The following SPIRE2 variants were observed in gnomAD, a reference collection of about 807,000 sequenced individuals.
SPIRE2 encodes protein spire homolog 2.
Under a neutral mutation model 80.7 loss-of-function variants are expected in SPIRE2, and 76 were observed. The ratio of observed to expected loss-of-function variants is 0.94; its 90% CI spans 0.78 to 1.14. The LOEUF (loss-of-function observed/expected upper bound fraction) is 1.14, where lower values mean the gene tolerates loss of function less well. SPIRE2 is among the 50% of genes most tolerant of loss of function. SPIRE2 has a pLI of 0.00. For missense variants in SPIRE2, 1,196 were observed against 1,015.3 expected, an observed-to-expected ratio of 1.18 and a Z score of -2.42; for synonymous variants, 535 against 432.6, an observed-to-expected ratio of 1.24 and a Z score of -2.94.
intron 1 of SPIRE2, among the ~76,000 whole-genome samples, chr16:89,834,459 C>T (rs1388593756): frequency 1.7e-5 from 2 of 120,278 alleles, no homozygotes; most frequent in African/African-American, 3.1e-5. Context: ...AAGCATAGCC[C>T]GTGTGAATCT....
chr16:89,856,414 G>A (rs1391671676), intron 7 of SPIRE2, among the ~76,000 whole-genome samples, 178 bp downstream of exon 7: 1 of 151,794 alleles, frequency 6.6e-6, no homozygotes, highest in East Asian at 1.9e-4. Flanking sequence ...GATTACTTGG[G>A]GATAAAAAAT....
chr16:89,845,716 GA>G, intron 2 of SPIRE2: 1 of 641,930 alleles, frequency 1.6e-6, no homozygotes, highest in Non-Finnish European at 2.8e-6. Flanking sequence ...GTGCAAACAG[GA>G]AAAATCAGCC....
intron 1 of SPIRE2, among the ~76,000 whole-genome samples, chr16:89,842,809 G>A (rs920751303): frequency 6.6e-6 from 1 of 152,210 alleles, no homozygotes; most frequent in Non-Finnish European, 1.5e-5. Context: ...GGCCAGGACT[G>A]CCCAGGCCCT....
intron 1 of SPIRE2, among the ~76,000 whole-genome samples, chr16:89,841,749 G>C (rs1483355385): frequency 6.6e-6 from 1 of 151,912 alleles, no homozygotes; most frequent in African/African-American, 2.4e-5. Flanking sequence ...CCAGGCTGGA[G>C]TGCAGTGGCA....
At chr16:89,855,543 C>T (rs530159102) in intron 5 of SPIRE2, 57 bp from the exon 6 acceptor site, 7 of 1,485,368 alleles carry the variant, frequency 4.7e-6, no homozygotes, top group South Asian at 2.3e-5. Context: ...CTCTCCCAGT[C>T]GCCCTGCACT....
At chr16:89,843,723 A>C (rs1567671404) in intron 1 of SPIRE2, among the ~76,000 whole-genome samples, 1 of 29,082 alleles carries the variant, frequency 3.4e-5, no homozygotes, top group African/African-American at 1.6e-4. Flanking sequence ...TTTTTGAGAC[A>C]GAGTCTCGCT....
chr16:89,867,264 C>T lies in SPIRE2; in HGVS notation c.1779-925C>T, dbSNP rs920930837. Among the ~76,000 whole-genome samples, 4 of 152,012 alleles carry T rather than the reference C, an allele frequency of 2.6e-5. No homozygotes were observed. The East Asian group carries it at 7.8e-4, about 30-fold the overall frequency. On this transcript the variant is annotated intron_variant, in intron 12 of 14. Coordinates refer to ENST00000378247, the MANE Select transcript of SPIRE2 (RefSeq NM_032451.2). ...GGTTCAAGCAATTCTCTGCCTCAGC[C>T]TCCCGAGTAGCTGGGATTACAGGTG...
Position 89,850,667 on chromosome 16 carries a change from G to A in SPIRE2, c.645+7G>A, listed in dbSNP as rs1458348403. 5.2e-5 allele frequency: 76 copies of A among 1,468,350 alleles called. No individual in the cohort carries two copies. Among genetic ancestry groups the A allele is most frequent in the East Asian group, 2.5e-5 (1 of 39,324 alleles). The allele number at this position is 1,468,350 out of a possible 1,614,324, so 91.0% of individuals were successfully genotyped here. The stretch of plus-strand genomic sequence containing the variant: ...GGTCCGGGAGGCCAAGGAGGTGAGC[G>A]GTGGGTGGGGGCGACCGTGGAGGGT... On this transcript the variant is annotated splice_region_variant and intron_variant, in intron 3 of 14. Transcript: ENST00000378247.
At chr16:89,857,875 C>G (rs1307945964) in intron 7 of SPIRE2, among the ~76,000 whole-genome samples, 1 of 102,778 alleles carries the variant, frequency 9.7e-6, no homozygotes, top group Non-Finnish European at 1.9e-5. Context: ...CAGCCTAGTT[C>G]TTCTTCTTTT....
intron 8 of SPIRE2, among the ~76,000 whole-genome samples, chr16:89,858,913 G>A (rs1174666889): frequency 6.6e-6 from 1 of 152,202 alleles, no homozygotes; most frequent in Non-Finnish European, 1.5e-5. Context: ...GGCCTTGTTG[G>A]GGGCCATCCC....
At chr16:89,849,302 C>T (rs1425178237) in intron 2 of SPIRE2, among the ~76,000 whole-genome samples, 1 of 152,214 alleles carries the variant, frequency 6.6e-6, no homozygotes. Context: ...GAGCAGCCGC[C>T]CGTCCTGATC....
chr16:89,867,213 C>T (rs187390724), intron 12 of SPIRE2, among the ~76,000 whole-genome samples: 2,002 of 152,020 alleles, frequency 0.013, 28 homozygotes, highest in South Asian at 0.054. Flanking sequence ...GCCATGATCT[C>T]GGCTCACTGC....
chr16:89,849,921 T>C, intron 2 of SPIRE2: 1 of 360,972 alleles, frequency 2.8e-6, no homozygotes, highest in Non-Finnish European at 5.4e-6. Flanking sequence ...CACTGCAACC[T>C]CCACCTCCCA....
Position 89,859,212 on chromosome 16 carries a change from C to T in SPIRE2, c.1320C>T (p.Ser440=), listed in dbSNP as rs142751087. 3.9e-5 allele frequency: 63 copies of T among 1,603,838 alleles called. 1 individual carries two copies. The Middle Eastern group carries it at 8.3e-4, about 21-fold the overall frequency. ...AGGTGACGCTGAAACGGGACCGCTC[C>T]TTCTCAGAGCATGACCTGGCCCAGC... ...CGEVTLKRDR[S]FSEHDLAQLR... Residue 440 remains serine (S), a synonymous_variant, in exon 9 of 15, where the codon TCC becomes TCT. Coordinates refer to ENST00000378247, the MANE Select transcript of SPIRE2 (RefSeq NM_032451.2).
intron 2 of SPIRE2, among the ~76,000 whole-genome samples, chr16:89,847,729 GGT>G (rs1310424568): frequency 6.6e-6 from 1 of 152,248 alleles, no homozygotes; most frequent in East Asian, 1.9e-4. Flanking sequence ...GCTGTGGGCG[GGT>G]GGAGGTGGGA....
Position 89,870,178 on chromosome 16 carries a change from G to T in SPIRE2, c.2051G>T (p.Arg684Leu). The change falls in exon 15 of 15, where the codon CGC becomes CTC. Residue 684 changes from arginine to leucine, a missense_variant. By Grantham distance (102) the Arg-to-Leu change is moderately radical. Transcript: ENST00000378247. Reference protein sequence around the residue: ...SFVADVVRSSRKSVDVLNTTP... With the variant: ...SFVADVVRSSLKSVDVLNTTP... ...GTGGCAGACGTGGTGCGTTCCAGCC[G>T]CAAGAGCGTGGACGTCCTCAACACT... The T allele has an allele frequency of 6.2e-7, 1 of 1,610,008 alleles. No individual in the cohort carries two copies. The highest frequency in any genetic ancestry group is 8.5e-7 in the Non-Finnish European group (1 of 1,178,296).
chr16:89,864,043 A>G (rs2041768025), intron 12 of SPIRE2, among the ~76,000 whole-genome samples, 182 bp downstream of exon 12: 1 of 152,246 alleles, frequency 6.6e-6, no homozygotes, highest in Non-Finnish European at 1.5e-5. Flanking sequence ...TTTAAATTAA[A>G]TTAAATTTAA....
chr16:89,871,250 A>T lies in SPIRE2; in HGVS notation c.*978A>T, dbSNP rs1390282804. On this transcript the variant is annotated 3_prime_UTR_variant, in exon 15 of 15. Transcript: ENST00000378247. Reference sequence around the variant, plus strand: ...CCTGAAGATGCTGGGCGGTCCTGGCACAGGGAGGAGCAGCTCTGTAAATCT... The same window carrying T: ...CCTGAAGATGCTGGGCGGTCCTGGCTCAGGGAGGAGCAGCTCTGTAAATCT... 1 of 152,474 alleles carries T rather than the reference A, an allele frequency of 6.6e-6. No individual in the cohort carries two copies. Among genetic ancestry groups the T allele is most frequent in the Middle Eastern group, 3.4e-3 (1 of 296 alleles). The allele number at this position is 152,474 out of a possible 1,614,324, so 9.4% of individuals were successfully genotyped here. A position where few individuals can be genotyped will look rare whatever the true frequency, so the allele number is the denominator to read the frequency against.
chr16:89,840,493 C>T (rs562707562), intron 1 of SPIRE2, among the ~76,000 whole-genome samples: 51 of 151,424 alleles, frequency 3.4e-4, no homozygotes, highest in African/African-American at 1.2e-3. Context: ...TTGGGATCCG[C>T]CCGCCTCGGC....
Sources: gnomAD v4.1 joint callset for allele counts (sites outside exome capture counted in the v4.1 genomes callset) on GRCh38, gnomAD v4.1.1 for gene constraint, MANE v1.5 for transcripts, NCBI Gene and HGNC (gene_info 2026-07-23, HGNC 2026-07-21) for gene names.